PTPRM: variants seen among roughly 807,000 people sequenced by gnomAD.
The protein encoded by PTPRM is receptor-type tyrosine-protein phosphatase mu.
PTPRM carries 47 observed loss-of-function variants against 186.7 expected under a neutral mutation model. The ratio of observed to expected loss-of-function variants is 0.25; its 90% confidence interval spans 0.20 to 0.32. PTPRM has a LOEUF of 0.32. Ranked by LOEUF, PTPRM falls within the 10% of genes least tolerant of loss-of-function variation. The pLI, the probability that PTPRM is intolerant of heterozygous loss-of-function variation, is 1.00. For missense variants in PTPRM, 1,494 were observed against 1,865.0 expected, an observed-to-expected ratio of 0.80 and a Z score of 3.66; for synonymous variants, 668 against 674.9, an observed-to-expected ratio of 0.99 and a Z score of 0.16.
chr18:8,310,447 G>C (rs1195027598), intron 20 of PTPRM, among the ~76,000 whole-genome samples: 1 of 149,530 alleles, frequency 6.7e-6, no homozygotes, highest in African/African-American at 2.5e-5. Context: ...GCTTCTGACA[G>C]CACATTCACC....
At chr18:8,328,708 G>T (rs1841169) in intron 22 of PTPRM, among the ~76,000 whole-genome samples, 142,491 of 152,326 alleles carry the variant, frequency 0.94, 67,076 homozygotes, top group Non-Finnish European at 0.99. Flanking sequence ...GTATTCCAGC[G>T]ACCCAGGGCC....
chr18:8,191,483 A>G (rs28703166), intron 14 of PTPRM, among the ~76,000 whole-genome samples: 5,896 of 152,210 alleles, frequency 0.039, 376 homozygotes, highest in African/African-American at 0.13. Flanking sequence ...GGAATAGGAA[A>G]CCACCATGCT....
chr18:7,955,051 GA>G, intron 6 of PTPRM, 69 bp from the exon 7 acceptor site: 1 of 1,370,910 alleles, frequency 7.3e-7, no homozygotes, highest in African/African-American at 1.4e-5. Context: ...TTTAATAATT[GA>G]TGCATGTTTA....
chr18:8,340,071 C>A (rs561244238), intron 22 of PTPRM, among the ~76,000 whole-genome samples: 1 of 152,192 alleles, frequency 6.6e-6, no homozygotes, highest in Non-Finnish European at 1.5e-5. Flanking sequence ...GTGCCCACCC[C>A]TGAGCAATTT....
intron 11 of PTPRM, among the ~76,000 whole-genome samples, chr18:8,092,548 A>T (rs1484745311): frequency 3.3e-5 from 5 of 152,104 alleles, no homozygotes; most frequent in Non-Finnish European, 7.4e-5. Flanking sequence ...CAGAGTAGGT[A>T]TTAGAGACAG....
chr18:8,238,184 T>C (rs2094368590), intron 14 of PTPRM, among the ~76,000 whole-genome samples: 2 of 152,236 alleles, frequency 1.3e-5, no homozygotes, highest in African/African-American at 4.8e-5. Context: ...TTGCTTCAAA[T>C]ATTTCTTCTG....
At chr18:7,623,010 T>G (rs1436416298) in intron 1 of PTPRM, among the ~76,000 whole-genome samples, 1 of 152,220 alleles carries the variant, frequency 6.6e-6, no homozygotes, top group African/African-American at 2.4e-5. Context: ...CTGATTTTTC[T>G]GTGATTCTGG....
At chr18:8,091,813 C>T (rs1050612868) in intron 11 of PTPRM, among the ~76,000 whole-genome samples, 2 of 152,040 alleles carry the variant, frequency 1.3e-5, no homozygotes, top group Non-Finnish European at 2.9e-5. Flanking sequence ...ATTATGGAAT[C>T]GTATGGACCT....
chr18:8,191,994 T>C (rs1601123157), intron 14 of PTPRM, among the ~76,000 whole-genome samples: 1 of 151,982 alleles, frequency 6.6e-6, no homozygotes, highest in African/African-American at 2.4e-5. Flanking sequence ...GACAAAAAAC[T>C]GAAATGAAAT....
intron 13 of PTPRM, among the ~76,000 whole-genome samples, chr18:8,126,532 A>G (rs962639758): frequency 9.2e-5 from 14 of 152,130 alleles, no homozygotes; most frequent in African/African-American, 2.7e-4. Context: ...TCCCACCAAC[A>G]TTATCTGTTT....
chr18:8,253,639 T>C (rs1305497935), intron 19 of PTPRM, among the ~76,000 whole-genome samples: 1 of 152,156 alleles, frequency 6.6e-6, no homozygotes, highest in Admixed American at 6.6e-5. Flanking sequence ...AATCCAAAAA[T>C]CCAGTCCTCC....
chr18:7,831,297 T>A (rs1270965121), intron 2 of PTPRM, among the ~76,000 whole-genome samples: 4 of 152,154 alleles, frequency 2.6e-5, no homozygotes, highest in African/African-American at 9.7e-5. Flanking sequence ...CTTACATCAA[T>A]AAAAAATATA....
intron 7 of PTPRM, among the ~76,000 whole-genome samples, chr18:8,040,103 TC>T (rs1238838258): frequency 6.6e-6 from 1 of 152,194 alleles, no homozygotes; most frequent in African/African-American, 2.4e-5. Context: ...AGGGTTGATT[TC>T]CCCAGAAGTA....
At chr18:7,789,468 A>C (rs1329478611) in intron 2 of PTPRM, among the ~76,000 whole-genome samples, 1 of 152,216 alleles carries the variant, frequency 6.6e-6, no homozygotes, top group Non-Finnish European at 1.5e-5. Context: ...AATGCACTGA[A>C]TGGAAGAAAA....
At chr18:7,928,570 A>C (rs2051305011) in intron 5 of PTPRM, among the ~76,000 whole-genome samples, 1 of 152,196 alleles carries the variant, frequency 6.6e-6, no homozygotes, top group South Asian at 2.1e-4. Flanking sequence ...TAAAAATGAA[A>C]CTATTTGTTC....
At position 8,214,376 on chromosome 18, in the gene PTPRM, AG is replaced by A. The variant is rs149525236; in HGVS notation, c.2301-29680del. ...TCTATAGCAACATAGTGACAATATT[AG>A]GTAGCAATTTCTGAACCACAGCTTT... On this transcript the variant is annotated intron_variant, in intron 14 of 32. Coordinates refer to ENST00000580170, the MANE Select transcript of PTPRM (RefSeq NM_001105244.2). Among the ~76,000 whole-genome samples the A allele has an allele frequency of 3.6e-3, 556 of 152,364 alleles. 5 individuals carry two copies. Among genetic ancestry groups the A allele is most frequent in the African/African-American group, 0.013 (526 of 41,586 alleles).
intron 14 of PTPRM, among the ~76,000 whole-genome samples, chr18:8,157,359 G>A (rs561147538): frequency 1.3e-5 from 2 of 152,298 alleles, no homozygotes; most frequent in South Asian, 2.1e-4. Flanking sequence ...CATGGCTTGC[G>A]TGCCTCGAAG....
chr18:7,713,752 TAAACC>T (rs1461130757), intron 1 of PTPRM, among the ~76,000 whole-genome samples: 1 of 149,458 alleles, frequency 6.7e-6, no homozygotes, highest in Non-Finnish European at 1.5e-5. Context: ...AAACAGACTT[TAAACC>T]AACAAAGATC....
At chr18:8,217,460 A>G (rs924415201) in intron 14 of PTPRM, among the ~76,000 whole-genome samples, 1 of 152,122 alleles carries the variant, frequency 6.6e-6, no homozygotes, top group African/African-American at 2.4e-5. Context: ...TAGTATACAA[A>G]TTCGTTACAT....
Sources: allele counts gnomAD v4.1 joint callset (sites outside exome capture counted in the v4.1 genomes callset), GRCh38; gene constraint gnomAD v4.1.1; transcripts MANE v1.5; gene names NCBI Gene and HGNC (gene_info 2026-07-23, HGNC 2026-07-21).